Variants in RPS6KA3 observed in about 807,000 individuals in gnomAD.
RPS6KA3 encodes ribosomal protein S6 kinase A3.
Under a neutral mutation model 67.2 loss-of-function variants are expected in RPS6KA3, and 4 were observed. That is an observed-to-expected ratio of 0.06 (90% CI 0.03 to 0.14). The LOEUF is 0.14. Among genes scored for constraint, RPS6KA3 ranks in the 10% least tolerant of loss-of-function variants. RPS6KA3 has a pLI of 1.00. For synonymous variants in RPS6KA3, 182 were observed against 183.7 expected (o/e 0.99, Z 0.07); for missense variants, 204 against 559.0 (o/e 0.36, Z 6.40).
chrX:20,156,870 C>CT (rs1428551784), intron 20 of RPS6KA3, among the ~76,000 whole-genome samples: 1 of 86,493 alleles, frequency 1.2e-5, no homozygotes, highest in Admixed American at 1.4e-4. Flanking sequence ...TTACTTAAGA[C>CT]TTTTTTTGTG....
chrX:20,173,092 CA>C (rs1222404508), intron 14 of RPS6KA3, among the ~76,000 whole-genome samples: 1 of 112,168 alleles, frequency 8.9e-6, no homozygotes, highest in Non-Finnish European at 1.9e-5. Flanking sequence ...GCTTATGTTA[CA>C]AACAAAAATT....
At chrX:20,176,188 G>C in intron 13 of RPS6KA3, 62 bp downstream of exon 13, 1 of 790,172 alleles carries the variant, frequency 1.3e-6, no homozygotes, top group Non-Finnish European at 1.9e-6. Flanking sequence ...AAGATTTTCT[G>C]ATGAAACAAG....
intron 4 of RPS6KA3, among the ~76,000 whole-genome samples, chrX:20,195,938 T>C (rs185190993): frequency 1.1e-4 from 12 of 112,418 alleles, no homozygotes; most frequent in African/African-American, 3.9e-4. Context: ...AAATAGTAGC[T>C]ATTGTTATTA....
intron 4 of RPS6KA3, among the ~76,000 whole-genome samples, chrX:20,203,138 G>A (rs1373577040): frequency 9.0e-6 from 1 of 111,463 alleles, no homozygotes; most frequent in African/African-American, 3.3e-5. Context: ...GTAAATTGAA[G>A]AGGAAAAAAT....
chrX:20,255,376 G>T (rs2070012427), intron 1 of RPS6KA3, among the ~76,000 whole-genome samples: 1 of 109,806 alleles, frequency 9.1e-6, no homozygotes. Flanking sequence ...CTTTTTGGGG[G>T]TGATGAAAAT....
At chrX:20,251,564 G>A (rs924515445) in intron 1 of RPS6KA3, among the ~76,000 whole-genome samples, 3 of 113,004 alleles carry the variant, frequency 2.7e-5, no homozygotes, top group Non-Finnish European at 5.6e-5. Flanking sequence ...ATAGGTAACA[G>A]TTCATTTCTC....
chrX:20,172,477 A>G (rs1000979674), intron 15 of RPS6KA3, among the ~76,000 whole-genome samples: 9 of 111,543 alleles, frequency 8.1e-5, no homozygotes, highest in African/African-American at 2.6e-4. Context: ...CTCAGAGTAA[A>G]AAGATACTTT....
chrX:20,199,845 G>C (rs2068377356), intron 4 of RPS6KA3, among the ~76,000 whole-genome samples: 1 of 112,158 alleles, frequency 8.9e-6, no homozygotes, highest in African/African-American at 3.2e-5. Flanking sequence ...CAGGAAACTA[G>C]AAGACAATGG....
chrX:20,189,970 T>C (rs1175177682), intron 7 of RPS6KA3, among the ~76,000 whole-genome samples: 3 of 111,039 alleles, frequency 2.7e-5, no homozygotes, highest in Non-Finnish European at 3.8e-5. Flanking sequence ...TATGAAGAGA[T>C]CAACACATTT....
intron 14 of RPS6KA3, 58 bp from the exon 15 acceptor site, chrX:20,172,929 T>C (rs1016239628): frequency 1.2e-5 from 13 of 1,051,706 alleles, no homozygotes; most frequent in South Asian, 1.9e-5. Flanking sequence ...CATTTTATAA[T>C]AGGGAAGTAT....
intron 1 of RPS6KA3, among the ~76,000 whole-genome samples, chrX:20,244,114 G>A (rs897274287): frequency 8.1e-5 from 9 of 111,489 alleles, no homozygotes; most frequent in African/African-American, 2.6e-4. Flanking sequence ...TATTAGAACA[G>A]GTAGATACTG....
intron 10 of RPS6KA3, among the ~76,000 whole-genome samples, chrX:20,178,475 A>G (rs2067755218): frequency 1.0e-5 from 1 of 98,270 alleles, no homozygotes; most frequent in Admixed American, 1.1e-4. Flanking sequence ...TAGAGCAAAC[A>G]AATCAGTTTT....
intron 1 of RPS6KA3, among the ~76,000 whole-genome samples, chrX:20,248,734 A>G (rs1051412628): frequency 4.5e-5 from 5 of 112,297 alleles, no homozygotes; most frequent in African/African-American, 1.6e-4. Context: ...AAAATAATAC[A>G]GAGAGGTCCC....
intron 9 of RPS6KA3, among the ~76,000 whole-genome samples, chrX:20,187,081 T>C (rs774578638): frequency 9.0e-6 from 1 of 111,460 alleles, no homozygotes; most frequent in African/African-American, 3.3e-5. Context: ...ACGCCCAGCC[T>C]GATTTTTGTA....
rs905107489 is a variant in RPS6KA3, at chrX:20,181,449, C to A, written c.846-4365G>T. Among the ~76,000 whole-genome samples the A allele has an allele frequency of 3.6e-5, 4 of 110,660 alleles. No individual in the cohort carries two copies. In the Admixed American group the frequency reaches 3.9e-4, roughly 11 times the overall value. The stretch of plus-strand genomic sequence containing the variant: ...TTCTTGAGTGTCCCATCTAATATGG[C>A]TCCTGCTTTCTGCTCCTTCCCTCAC... On this transcript the variant is annotated intron_variant, in intron 10 of 21. Coordinates refer to ENST00000379565, the MANE Select transcript of RPS6KA3 (RefSeq NM_004586.3).
Position 20,266,643 on chromosome X carries a change from G to C in RPS6KA3, c.-11C>G. On this transcript the variant is annotated 5_prime_UTR_variant, in exon 1 of 22. Coordinates refer to ENST00000379565, the MANE Select transcript of RPS6KA3 (RefSeq NM_004586.3). ...CTGCGCCAGCGGCATCTTCCCCCCC[G>C]GCCCGCCGCCTTCACCGCCTCCTCC... 8.9e-7 allele frequency: 1 copy of C among 1,127,443 alleles called. No individual in the cohort carries two copies. Among genetic ancestry groups the C allele is most frequent in the Non-Finnish European group, 1.2e-6 (1 of 855,374 alleles). The allele number at this position is 1,127,443 out of a possible 1,213,427, so 92.9% of individuals were successfully genotyped here.
intron 3 of RPS6KA3, among the ~76,000 whole-genome samples, chrX:20,206,340 G>C (rs1377331319): frequency 1.8e-5 from 2 of 112,170 alleles, no homozygotes; most frequent in African/African-American, 6.5e-5. Context: ...GGAGAAGCAT[G>C]CTAATTCCAA....
In RPS6KA3 at chrX:20,154,047, T is replaced by C. The variant is rs756069500; in HGVS notation, c.*1351A>G. 5 of 112,540 alleles carry C rather than the reference T, an allele frequency of 4.4e-5. No individual in the cohort carries two copies. The highest frequency in any genetic ancestry group is 9.4e-5 in the Non-Finnish European group (5 of 53,341). 9.3% of individuals were successfully genotyped at this position (112,540 alleles called of 1,213,427 possible). ...ACAGGTAATAATGGGGACTGAAGTT[T>C]CTTTCATCAAATACGATTGTGGAAA... On this transcript the variant is annotated 3_prime_UTR_variant, in exon 22 of 22. Coordinates refer to ENST00000379565, the MANE Select transcript of RPS6KA3 (RefSeq NM_004586.3).
At chrX:20,248,002 T>C (rs1270744829) in intron 1 of RPS6KA3, among the ~76,000 whole-genome samples, 2 of 111,628 alleles carry the variant, frequency 1.8e-5, no homozygotes, top group African/African-American at 6.5e-5. Context: ...GTCTTGTCCT[T>C]TGCTTGTTAT....
Sources: allele counts gnomAD v4.1 joint callset (sites outside exome capture counted in the v4.1 genomes callset), GRCh38; gene constraint gnomAD v4.1.1; transcripts MANE v1.5; gene names NCBI Gene and HGNC (gene_info 2026-07-23, HGNC 2026-07-21).